Variants in DPP6 observed in about 807,000 individuals in gnomAD.
DPP6 encodes dipeptidyl peptidase like 6, also known as A-type potassium channel modulatory protein DPP6.
Under a neutral mutation model 122.6 loss-of-function variants are expected in DPP6, and 69 were observed. The observed-to-expected ratio is 0.56, with a 90% CI of 0.46 to 0.69. The LOEUF is 0.69. DPP6 is among the 30% of genes least tolerant of loss of function. DPP6 has a pLI of 0.00. For missense variants in DPP6, 928 were observed against 1,116.9 expected (o/e 0.83, Z 2.41); for synonymous variants, 418 against 433.1 (o/e 0.97, Z 0.43).
chr7:154,872,833 G>A, intron 19 of DPP6, 140 bp downstream of exon 19: 1 of 1,475,446 alleles, frequency 6.8e-7, no homozygotes, highest in Non-Finnish European at 9.1e-7. Flanking sequence ...ACATCGTTTA[G>A]CCCAATGTCA....
rs796537507 is a variant in DPP6 at position 154,875,659 on chromosome 7, C to T, written c.1884-247C>T. ...TTTTGGTGGCCGTCCCAGACAGCGC[C>T]GGTGTGTGTAGGGATGGCCCTGGGT... is the stretch of plus-strand genomic sequence containing the variant. On this transcript the variant is annotated intron_variant, in intron 19 of 25. Coordinates refer to ENST00000377770, the MANE Select transcript of DPP6 (RefSeq NM_130797.4). The surrounding 1 kb of genome is among the most constrained non-coding windows in gnomAD (Gnocchi z 4.5). Among the ~76,000 whole-genome samples, 6 of 152,226 alleles carry T rather than the reference C, an allele frequency of 3.9e-5. No individual in the cohort carries two copies. Among genetic ancestry groups the T allele is most frequent in the African/African-American group, 7.2e-5 (3 of 41,542 alleles).
At chr7:154,284,504 A>G (rs1363866408) in intron 1 of DPP6, among the ~76,000 whole-genome samples, 1 of 152,234 alleles carries the variant, frequency 6.6e-6, no homozygotes, top group African/African-American at 2.4e-5. Context: ...AATATTATTC[A>G]GCCTTAAAAA....
chr7:154,565,458 T>G (rs1830683571), intron 4 of DPP6, among the ~76,000 whole-genome samples: 1 of 152,238 alleles, frequency 6.6e-6, no homozygotes, highest in Non-Finnish European at 1.5e-5. Context: ...ACCCAAGTCC[T>G]TGGAGTCATT....
intron 10 of DPP6, among the ~76,000 whole-genome samples, chr7:154,773,894 A>T (rs989111477): frequency 2.6e-5 from 4 of 152,140 alleles, no homozygotes; most frequent in Admixed American, 2.6e-4. Flanking sequence ...TCTCTGAATG[A>T]TGTGCTGGTC....
chr7:153,774,411 G>A, the DPP6 span, among the ~76,000 whole-genome samples: 1 of 152,156 alleles, frequency 6.6e-6, no homozygotes, highest in East Asian at 1.9e-4. Context: ...GAACAAATCA[G>A]CAGTGTCTTT....
intron 7 of DPP6, among the ~76,000 whole-genome samples, chr7:154,710,010 G>A (rs1841079829): frequency 6.6e-6 from 1 of 152,178 alleles, no homozygotes; most frequent in African/African-American, 2.4e-5. Context: ...AGGATCTGGG[G>A]CAGCAACGGT....
intron 6 of DPP6, among the ~76,000 whole-genome samples, chr7:154,664,103 G>A (rs1837977288): frequency 2.9e-5 from 4 of 138,368 alleles, no homozygotes; most frequent in East Asian, 2.4e-4. Context: ...CGGCCGTAGT[G>A]TTCATATAGT....
intron 7 of DPP6, among the ~76,000 whole-genome samples, chr7:154,698,249 A>G (rs1002057177): frequency 2.0e-5 from 3 of 152,216 alleles, no homozygotes; most frequent in Admixed American, 6.5e-5. Flanking sequence ...CATTGAGTCG[A>G]TCTACCAAAA....
chr7:153,937,201 T>C (rs62484167), intron 1 of DPP6, among the ~76,000 whole-genome samples: 16,163 of 152,120 alleles, frequency 0.11, 907 homozygotes, highest in Admixed American at 0.14. Flanking sequence ...AGAGGAAGGC[T>C]AGAAAGCCCT....
chr7:153,798,122 G>A, the DPP6 span, among the ~76,000 whole-genome samples: 1 of 152,256 alleles, frequency 6.6e-6, no homozygotes, highest in South Asian at 2.1e-4. Context: ...GATTACAGGC[G>A]TGAGCCACCG....
chr7:153,778,619 A>G, the DPP6 span, among the ~76,000 whole-genome samples: 920 of 150,952 alleles, frequency 6.1e-3, 4 homozygotes, highest in African/African-American at 0.022. Context: ...GAGAAAGAAT[A>G]GTTTCACCAC....
intron 1 of DPP6, among the ~76,000 whole-genome samples, chr7:154,064,025 A>C (rs1802501502): frequency 6.6e-6 from 1 of 152,134 alleles, no homozygotes; most frequent in Non-Finnish European, 1.5e-5. Context: ...AAAAGGGTCC[A>C]GGAGTTATTG....
intron 7 of DPP6, among the ~76,000 whole-genome samples, chr7:154,685,926 C>T (rs1007143367): frequency 6.6e-6 from 1 of 152,100 alleles, no homozygotes; most frequent in African/African-American, 2.4e-5. Flanking sequence ...TGATTTTCCC[C>T]CCATCAAACC....
At chr7:154,532,512 A>G (rs1343285208) in intron 3 of DPP6, among the ~76,000 whole-genome samples, 1 of 152,152 alleles carries the variant, frequency 6.6e-6, no homozygotes, top group East Asian at 1.9e-4. Flanking sequence ...TCTGAAGTAG[A>G]ATACAGAAAT....
intron 1 of DPP6, among the ~76,000 whole-genome samples, chr7:154,159,748 A>G (rs763246061): frequency 4.6e-4 from 70 of 151,926 alleles, no homozygotes; most frequent in Middle Eastern, 3.4e-3. Context: ...GTCCTTCTAT[A>G]CAGGTTATTC....
intron 5 of DPP6, among the ~76,000 whole-genome samples, chr7:154,567,221 C>A (rs1212806039): frequency 6.6e-6 from 1 of 152,106 alleles, no homozygotes; most frequent in East Asian, 1.9e-4. Flanking sequence ...ATTTTTCTGG[C>A]TGTTTTCTCA....
chr7:154,347,789 C>T (rs1231623207), intron 1 of DPP6, among the ~76,000 whole-genome samples: 1 of 152,176 alleles, frequency 6.6e-6, no homozygotes, highest in Non-Finnish European at 1.5e-5. Flanking sequence ...GGGATGCTTA[C>T]CACAAAGTAG....
At chr7:154,266,065 C>T (rs967176316) in intron 1 of DPP6, among the ~76,000 whole-genome samples, 1 of 152,100 alleles carries the variant, frequency 6.6e-6, no homozygotes, top group Admixed American at 6.5e-5. Context: ...ATCCCATGCT[C>T]CTGGAGATCT....
intron 1 of DPP6, among the ~76,000 whole-genome samples, chr7:154,428,555 T>C (rs778945805): frequency 4.9e-4 from 75 of 152,274 alleles, no homozygotes; most frequent in South Asian, 1.2e-3. Flanking sequence ...CGCATAGGCT[T>C]ACTGCAAAAA....
Sources: gnomAD v4.1 joint callset for allele counts (sites outside exome capture counted in the v4.1 genomes callset) on GRCh38, gnomAD v4.1.1 for gene constraint, Gnocchi (gnomAD v3.1) non-coding constraint, MANE v1.5 for transcripts, NCBI Gene and HGNC (gene_info 2026-07-23, HGNC 2026-07-21) for gene names.